The following NIPBL variants were observed in gnomAD, a reference collection of about 807,000 sequenced individuals.
NIPBL encodes nipped-B-like protein.
In NIPBL, 19 loss-of-function variants were observed where a neutral mutation model predicts 321.8. The observed-to-expected ratio is 0.06, with a 90% CI of 0.04 to 0.09. The LOEUF (loss-of-function observed/expected upper bound fraction) is 0.09. Among genes scored for constraint, NIPBL ranks in the 10% least tolerant of loss-of-function variants. NIPBL has a pLI of 1.00. For synonymous variants in NIPBL, 1,106 were observed against 1,114.1 expected (o/e 0.99, Z 0.14); for missense variants, 2,210 against 3,327.0 (o/e 0.66, Z 8.26).
chr5:36,950,834 G>T lies in NIPBL; in HGVS notation c.-79-2784G>T, dbSNP rs1312866273. On this transcript the variant is annotated intron_variant, in intron 1 of 46. Transcript: ENST00000282516. ...TTAGGGTTGTGTTTGTTCATGTTTA[G>T]AATCCTAGGAACGCTATTTCTTGAT... 2.0e-5 allele frequency among the ~76,000 whole-genome samples: 3 copies of T among 152,082 alleles called. No individual in the cohort carries two copies. In the East Asian group the frequency reaches 5.8e-4, roughly 29 times the overall value.
At chr5:36,896,796 C>T (rs537955304) in intron 1 of NIPBL, among the ~76,000 whole-genome samples, 4 of 152,034 alleles carry the variant, frequency 2.6e-5, no homozygotes, top group East Asian at 1.9e-4. Flanking sequence ...GGTGCGGTTT[C>T]GCCATGTTGG....
intron 46 of NIPBL, 65 bp downstream of exon 46, chr5:37,064,043 T>C: frequency 6.3e-7 from 1 of 1,578,630 alleles, no homozygotes; most frequent in Non-Finnish European, 8.6e-7. Flanking sequence ...TATGTGCTTA[T>C]ATATGTCAGT....
intron 32 of NIPBL, among the ~76,000 whole-genome samples, chr5:37,032,034 G>T (rs1751082446): frequency 6.6e-6 from 1 of 152,128 alleles, no homozygotes; most frequent in East Asian, 1.9e-4. Flanking sequence ...GCATTACCTG[G>T]AGTTTTATTA....
intron 6 of NIPBL, among the ~76,000 whole-genome samples, chr5:36,969,476 A>G (rs939843356): frequency 6.6e-6 from 1 of 152,210 alleles, no homozygotes; most frequent in Non-Finnish European, 1.5e-5. Context: ...GACAAATGTA[A>G]ACTTGGTCCA....
intron 1 of NIPBL, among the ~76,000 whole-genome samples, chr5:36,894,011 A>G (rs1346348217): frequency 6.6e-6 from 1 of 152,202 alleles, no homozygotes; most frequent in Non-Finnish European, 1.5e-5. Flanking sequence ...TCAAAAGTCA[A>G]ATTGAATCTT....
intron 1 of NIPBL, among the ~76,000 whole-genome samples, chr5:36,926,914 C>A (rs557035797): frequency 6.6e-6 from 1 of 151,656 alleles, no homozygotes; most frequent in East Asian, 1.9e-4. Context: ...ATTTTTTTAC[C>A]GGGAACAAAT....
intron 1 of NIPBL, among the ~76,000 whole-genome samples, chr5:36,906,740 T>C (rs1747669607): frequency 6.6e-6 from 1 of 152,202 alleles, no homozygotes; most frequent in Non-Finnish European, 1.5e-5. Flanking sequence ...TAATTAATAC[T>C]TGGTGATTTC....
Position 36,985,638 on chromosome 5 carries a change from A to G in NIPBL, c.2458A>G (p.Asn820Asp), listed in dbSNP as rs188564740. The part of the protein sequence containing the change: ...VSESLRRDHD[N>D]KQKSDDRGES... ...TGAGTCACTAAGACGTGACCATGATAATAAACAAAAATCAGATGACAGGGG... is the reference window on the plus strand; with the variant it reads ...TGAGTCACTAAGACGTGACCATGATGATAAACAAAAATCAGATGACAGGGG... Residue 820 changes from asparagine to aspartate, a missense_variant, in exon 10 of 47, where the codon AAT becomes GAT. This residue lies in a region of NIPBL where 588 missense variants were observed against 564.1 expected (regional missense o/e 1.04). Transcript: ENST00000282516. The G allele has an allele frequency of 5.6e-6, 9 of 1,613,944 alleles. No individual in the cohort carries two copies. The highest frequency in any genetic ancestry group is 2.2e-5 in the East Asian group (1 of 44,882).
chr5:37,023,989 A>G (rs1245126182), intron 29 of NIPBL, among the ~76,000 whole-genome samples: 1 of 151,810 alleles, frequency 6.6e-6, no homozygotes, highest in Non-Finnish European at 1.5e-5. Context: ...ACATGGTGAA[A>G]CACTGTTTCT....
intron 34 of NIPBL, 139 bp downstream of exon 34, chr5:37,038,877 A>G (rs996600352): frequency 5.1e-5 from 47 of 930,610 alleles, no homozygotes; most frequent in Non-Finnish European, 5.6e-5. Flanking sequence ...ATTTGTAGCA[A>G]GTGATCTATA....
At chr5:36,959,566 T>C (rs1200042936) in intron 4 of NIPBL, among the ~76,000 whole-genome samples, 5 of 152,160 alleles carry the variant, frequency 3.3e-5, no homozygotes, top group African/African-American at 1.2e-4. Flanking sequence ...GGAAAAATGT[T>C]GGAATTGAAA....
chr5:37,031,992 A>G (rs1345090737), intron 32 of NIPBL, among the ~76,000 whole-genome samples: 1 of 152,204 alleles, frequency 6.6e-6, no homozygotes, highest in African/African-American at 2.4e-5. Flanking sequence ...GATGATAGTT[A>G]TGGTCCCTAT....
chr5:37,030,619 T>C (rs977647629), intron 32 of NIPBL, among the ~76,000 whole-genome samples: 2 of 152,154 alleles, frequency 1.3e-5, no homozygotes, highest in Non-Finnish European at 1.5e-5. Flanking sequence ...GGTTTGTTGT[T>C]GTTGTTTGTT....
intron 1 of NIPBL, among the ~76,000 whole-genome samples, chr5:36,942,933 A>G (rs1275192412): frequency 6.6e-6 from 1 of 152,098 alleles, no homozygotes; most frequent in African/African-American, 2.4e-5. Flanking sequence ...ATTCTTGCTA[A>G]CCTCACTGTG....
chr5:36,961,244 A>AT (rs915085853), intron 4 of NIPBL, among the ~76,000 whole-genome samples: 8 of 152,122 alleles, frequency 5.3e-5, no homozygotes, highest in Admixed American at 2.0e-4. Flanking sequence ...AAGCAAGTAA[A>AT]TTTTTTTAAA....
rs572898488 is a variant in NIPBL, at chr5:36,985,494, T to G, written c.2314T>G (p.Ser772Ala). Residue 772 changes from serine (S) to alanine (A), a missense_variant, in exon 10 of 47, where the codon TCT becomes GCT. Coordinates refer to ENST00000282516, the MANE Select transcript of NIPBL (RefSeq NM_133433.4). Reference protein sequence around the residue: ...HDNRRDSGKPSTEKKPEVSKH... With the variant: ...HDNRRDSGKPATEKKPEVSKH... ...CAATAGGAGGGATTCTGGAAAGCCA[T>G]CTACAGAGAAAAAACCTGAAGTGTC... is the stretch of plus-strand genomic sequence containing the variant. The G allele has an allele frequency of 6.2e-7, 1 of 1,613,624 alleles. No homozygotes were observed. The highest frequency in any genetic ancestry group is 1.3e-5 in the African/African-American group (1 of 74,960).
chr5:36,895,035 A>G (rs1305520941), intron 1 of NIPBL, among the ~76,000 whole-genome samples: 1 of 152,156 alleles, frequency 6.6e-6, no homozygotes, highest in Non-Finnish European at 1.5e-5. Flanking sequence ...ACCCTTTTAA[A>G]GTGTAAAACT....
chr5:37,006,605 T>C lies in NIPBL; in HGVS notation c.4087+17T>C. On this transcript the variant is annotated intron_variant, in intron 17 of 46. Transcript: ENST00000282516. ...CTCATGGAGGTTAGTTCGTATAATA[T>C]CAAAATTATTGTAAATTTTTGCCAT... 2.0e-6 allele frequency: 3 copies of C among 1,529,328 alleles called. No individual in the cohort carries two copies. In the South Asian group the frequency reaches 3.4e-5, roughly 18 times the overall value. 94.7% of individuals were successfully genotyped at this position (1,529,328 alleles called of 1,614,324 possible). A position where few individuals can be genotyped will look rare whatever the true frequency, so the allele number is the denominator to read the frequency against.
At chr5:37,041,153 T>A (rs1752297321) in intron 34 of NIPBL, among the ~76,000 whole-genome samples, 1 of 151,698 alleles carries the variant, frequency 6.6e-6, no homozygotes, top group South Asian at 2.1e-4. Flanking sequence ...TTCTTTAAAT[T>A]TTTCTTCTAG....
Sources: allele counts gnomAD v4.1 joint callset (sites outside exome capture counted in the v4.1 genomes callset), GRCh38; gene constraint gnomAD v4.1.1; regional missense constraint gnomAD v4.1.1; transcripts MANE v1.5; gene names NCBI Gene and HGNC (gene_info 2026-07-23, HGNC 2026-07-21).